The following PLEKHA6 variants were observed in gnomAD, a reference collection of about 807,000 sequenced individuals.
PLEKHA6 encodes the protein pleckstrin homology domain-containing family A member 6.
Under a neutral mutation model 116.7 loss-of-function variants are expected in PLEKHA6, and 60 were observed. The ratio of observed to expected loss-of-function variants is 0.51; its 90% CI spans 0.42 to 0.64. The LOEUF is 0.64. Among genes scored for constraint, PLEKHA6 ranks in the 30% least tolerant of loss-of-function variants. PLEKHA6 has a pLI of 0.00. For missense variants in PLEKHA6, 1,338 were observed against 1,422.7 expected (o/e 0.94, Z 0.96); for synonymous variants, 489 against 556.1 (o/e 0.88, Z 1.70).
chr1:204,346,316 C>G (rs1673045705), intron 1 of PLEKHA6, among the ~76,000 whole-genome samples: 1 of 152,040 alleles, frequency 6.6e-6, no homozygotes, highest in South Asian at 2.1e-4. Flanking sequence ...TCTCTGTATG[C>G]ATGGGAACAT....
In PLEKHA6 at chr1:204,358,422, G is replaced by A. The variant is rs555101955; in HGVS notation, c.-95+1272C>T. ...GGGGGTGAAAGCTGGCGACTGAACC[G>A]TCCTAGCCACAGGAGCCCTCCTCAG... On this transcript the variant is annotated intron_variant, in intron 1 of 22. Transcript: ENST00000272203. Among the ~76,000 whole-genome samples the A allele has an allele frequency of 2.1e-3, 324 of 152,290 alleles. 1 individual carries two copies. The highest frequency in any genetic ancestry group is 7.3e-3 in the African/African-American group (303 of 41,564).
chr1:204,306,574 G>A (rs577258749), intron 1 of PLEKHA6, among the ~76,000 whole-genome samples: 17 of 152,334 alleles, frequency 1.1e-4, no homozygotes, highest in Non-Finnish European at 1.9e-4. Flanking sequence ...GTTGGTTCAA[G>A]CTAATTTCAC....
intron 17 of PLEKHA6, 78 bp from the exon 18 acceptor site, chr1:204,230,664 T>C: frequency 1.6e-6 from 2 of 1,253,686 alleles, no homozygotes; most frequent in Non-Finnish European, 2.2e-6. Flanking sequence ...CCTTAACATT[T>C]ACCTTCTACG....
At chr1:204,283,191 C>G (rs1234412687) in intron 1 of PLEKHA6, among the ~76,000 whole-genome samples, 1 of 152,068 alleles carries the variant, frequency 6.6e-6, no homozygotes, top group Non-Finnish European at 1.5e-5. Flanking sequence ...CCCACCCTGC[C>G]CCACCCAACG....
At chr1:204,275,420 T>G (rs77998291) in intron 1 of PLEKHA6, among the ~76,000 whole-genome samples, 2 of 152,172 alleles carry the variant, frequency 1.3e-5, no homozygotes, top group African/African-American at 2.4e-5. Context: ...CTGTCAGGCA[T>G]GAAGGTCAGT....
chr1:204,225,100 C>T (rs1188074903), intron 21 of PLEKHA6, among the ~76,000 whole-genome samples: 3 of 152,170 alleles, frequency 2.0e-5, no homozygotes, highest in Non-Finnish European at 2.9e-5. Flanking sequence ...GGGAGGCCCA[C>T]TGACATCTGT....
chr1:204,250,568 T>C lies in PLEKHA6; in HGVS notation c.1571A>G (p.Lys524Arg), dbSNP rs1258213789. Residue 524 changes from lysine (K) to arginine (R), a missense_variant, in exon 10 of 23, where the codon AAG becomes AGG. Around this residue, in one of 3 missense-constraint regions of PLEKHA6, gnomAD observed 1,136 missense variants for 1,163.6 expected, o/e 0.98. Transcript: ENST00000272203. ...EVFRDSLHTY[K>R]LNEQDTDKLL... The stretch of plus-strand genomic sequence containing the variant: ...TACATCTGTGTCTTGCTCGTTTAAC[T>C]TGTAGGTGTGGAGGCTGTCCCGGAA... 3.1e-6 allele frequency: 5 copies of C among 1,612,730 alleles called. No individual in the cohort carries two copies. Among genetic ancestry groups the C allele is most frequent in the African/African-American group, 1.3e-5 (1 of 74,862 alleles).
At chr1:204,264,822 A>G (rs1015695135) in intron 6 of PLEKHA6, 120 bp downstream of exon 6, 1 of 780,086 alleles carries the variant, frequency 1.3e-6, no homozygotes, top group African/African-American at 1.7e-5. Flanking sequence ...CACCACTGCT[A>G]TGGCCACCAC....
intron 17 of PLEKHA6, among the ~76,000 whole-genome samples, chr1:204,236,538 C>T (rs560270687): frequency 3.7e-4 from 57 of 152,214 alleles, no homozygotes; most frequent in African/African-American, 1.3e-3. Context: ...ACTGCAGTCA[C>T]TCAACTAAAA....
At chr1:204,354,722 T>C (rs1673369762) in intron 1 of PLEKHA6, among the ~76,000 whole-genome samples, 1 of 152,232 alleles carries the variant, frequency 6.6e-6, no homozygotes, top group African/African-American at 2.4e-5. Context: ...CTTCTCTCCA[T>C]GACCACAGCA....
chr1:204,307,674 G>A (rs757209639), intron 1 of PLEKHA6, among the ~76,000 whole-genome samples: 90 of 152,172 alleles, frequency 5.9e-4, no homozygotes, highest in Admixed American at 2.2e-3. Context: ...CCGCCCTCGC[G>A]TTCCCCTCAC....
At chr1:204,279,648 A>G (rs1376071131) in intron 1 of PLEKHA6, among the ~76,000 whole-genome samples, 1 of 152,194 alleles carries the variant, frequency 6.6e-6, no homozygotes, top group Non-Finnish European at 1.5e-5. Context: ...GGAGGTAGAA[A>G]CAGCCCTAAA....
chr1:204,223,499 C>T lies in PLEKHA6; in HGVS notation c.3118G>A (p.Ala1040Thr), dbSNP rs201146402. 5 of 1,549,260 alleles carry T rather than the reference C, an allele frequency of 3.2e-6. No homozygotes were observed. The highest frequency in any genetic ancestry group is 2.0e-5 in the Admixed American group (1 of 50,992). ...NPLSSESPRG[A>T]DSSYTMRV ...ACCCGCATGGTATAGCTGCTGTCGG[C>T]GCCCCGTGGGGATTCAGACGACAGG... Residue 1040 changes from alanine (A) to threonine (T), a missense_variant, in exon 22 of 23, where the codon GCC becomes ACC. By Grantham distance (58) the Ala-to-Thr change is moderately conservative. This residue lies in a region of PLEKHA6 where 1,136 missense variants were observed against 1,163.6 expected (regional missense o/e 0.98). Transcript: ENST00000272203. This position sits in a 1 kb window ranked among gnomAD's most constrained non-coding sequence, Gnocchi z 4.8.
intron 1 of PLEKHA6, among the ~76,000 whole-genome samples, chr1:204,305,267 G>A (rs1160296282): frequency 6.6e-6 from 1 of 152,114 alleles, no homozygotes; most frequent in Non-Finnish European, 1.5e-5. Context: ...GAAAGTATGG[G>A]GGATGAACAG....
intron 1 of PLEKHA6, among the ~76,000 whole-genome samples, chr1:204,331,306 A>G (rs535355181): frequency 6.6e-6 from 1 of 152,268 alleles, no homozygotes; most frequent in African/African-American, 2.4e-5. Context: ...AGGTACCAGA[A>G]GTGGGAAACA....
At chr1:204,353,130 TAC>T (rs1411093743) in intron 1 of PLEKHA6, among the ~76,000 whole-genome samples, 1 of 152,240 alleles carries the variant, frequency 6.6e-6, no homozygotes, top group Non-Finnish European at 1.5e-5. Context: ...ATGCTGTCTC[TAC>T]CACATCACCC....
intron 1 of PLEKHA6, among the ~76,000 whole-genome samples, chr1:204,331,863 C>T (rs969371604): frequency 2.0e-5 from 3 of 151,144 alleles, no homozygotes; most frequent in African/African-American, 7.3e-5. Flanking sequence ...GTCACCCAGC[C>T]GTCCCCCCGT....
Position 204,257,612 on chromosome 1 carries a change from A to C in PLEKHA6, c.1265T>G (p.Val422Gly), listed in dbSNP as rs1400056469. 1 of 1,609,452 alleles carries C rather than the reference A, an allele frequency of 6.2e-7. No homozygotes were observed. ...CTGCCGGGAGGGGCTTGGGATCCAG[A>C]CGGTGGCATCCTGCCGCCCGTAGCT... is the stretch of plus-strand genomic sequence containing the variant. Reference protein sequence around the residue: ...PASYGRQDATVWIPSPSRQPV... With the variant: ...PASYGRQDATGWIPSPSRQPV... The change falls in exon 9 of 23, where the codon GTC becomes GGC. Residue 422 changes from valine (V) to glycine (G), a missense_variant. Around this residue, in one of 3 missense-constraint regions of PLEKHA6, gnomAD observed 1,136 missense variants for 1,163.6 expected, o/e 0.98. Transcript: ENST00000272203. The surrounding 1 kb of genome is among the most constrained non-coding windows in gnomAD (Gnocchi z 6.5).
Position 204,230,429 on chromosome 1 carries a change from CG to C in PLEKHA6, c.2566del (p.Arg856GlyfsTer16). 1 of 1,581,924 alleles carries C rather than the reference CG, an allele frequency of 6.3e-7. No homozygotes were observed. On this transcript the variant is annotated frameshift_variant, in exon 18 of 23. Transcript: ENST00000272203. LOFTEE classifies it high-confidence loss of function. The part of the protein sequence containing the change: ...PASPAPDPSP[R>X]PAYKVVRRHR... ...AGGCATTACCACTTTGTAGGCTGGC[CG>C]GGGACTGGGGTCGGGGGCCGGGCTG...
Sources: gnomAD v4.1 joint callset for allele counts (sites outside exome capture counted in the v4.1 genomes callset) on GRCh38, gnomAD v4.1.1 for gene constraint, gnomAD v4.1.1 regional missense constraint, Gnocchi (gnomAD v3.1) non-coding constraint, MANE v1.5 for transcripts, NCBI Gene and HGNC (gene_info 2026-07-23, HGNC 2026-07-21) for gene names.